The following BCKDHB variants were observed in gnomAD, a reference collection of about 807,000 sequenced individuals.
BCKDHB encodes branched chain keto acid dehydrogenase E1 subunit beta.
Under a neutral mutation model 48.5 loss-of-function variants are expected in BCKDHB, and 41 were observed. The ratio of observed to expected loss-of-function variants is 0.85; its 90% CI spans 0.66 to 1.10. The LOEUF is 1.10. Ranked by LOEUF, BCKDHB falls within the 50% of genes least tolerant of loss-of-function variation. The pLI is 0.00. For missense variants in BCKDHB, 496 were observed against 494.2 expected (o/e 1.00, Z -0.03); for synonymous variants, 201 against 174.8 (o/e 1.15, Z -1.18).
intron 9 of BCKDHB, chr6:80,307,421 C>T (rs1767936028): frequency 1.0e-6 from 1 of 984,654 alleles, no homozygotes; most frequent in African/African-American, 1.7e-5. Flanking sequence ...ATTAAATCCA[C>T]CTGCCCCCTC....
chr6:80,119,508 A>G (rs1769889989), intron 1 of BCKDHB, among the ~76,000 whole-genome samples: 1 of 152,006 alleles, frequency 6.6e-6, no homozygotes, highest in Non-Finnish European at 1.5e-5. Context: ...TTGGTAGAGG[A>G]TGGGGTTTCG....
chr6:80,300,467 A>T (rs890962999), intron 9 of BCKDHB, among the ~76,000 whole-genome samples: 1 of 152,262 alleles, frequency 6.6e-6, no homozygotes, highest in Non-Finnish European at 1.5e-5. Flanking sequence ...TAACTGTCCT[A>T]AATGTATACA....
intron 9 of BCKDHB, among the ~76,000 whole-genome samples, chr6:80,300,419 T>G (rs1173508913): frequency 6.6e-6 from 1 of 152,178 alleles, no homozygotes; most frequent in Non-Finnish European, 1.5e-5. Flanking sequence ...ATGAAGGGCA[T>G]TACATAATGA....
chr6:80,460,822 G>A, the BCKDHB span, among the ~76,000 whole-genome samples: 1 of 152,062 alleles, frequency 6.6e-6, no homozygotes, highest in African/African-American at 2.4e-5. Flanking sequence ...TTTCTTGACT[G>A]CTCTGCAAAC....
intron 9 of BCKDHB, among the ~76,000 whole-genome samples, chr6:80,342,972 G>T (rs184870169): frequency 6.6e-6 from 1 of 152,084 alleles, no homozygotes; most frequent in Non-Finnish European, 1.5e-5. Flanking sequence ...TGCCGAGTTC[G>T]GTGCTTTGGG....
At chr6:80,409,765 C>G in the BCKDHB span, among the ~76,000 whole-genome samples, 1 of 150,962 alleles carries the variant, frequency 6.6e-6, no homozygotes, top group African/African-American at 2.4e-5. Context: ...TTTTTGCTTT[C>G]CATTTACTTC....
the BCKDHB span, among the ~76,000 whole-genome samples, chr6:80,429,503 G>A: frequency 6.6e-6 from 1 of 152,186 alleles, no homozygotes; most frequent in African/African-American, 2.4e-5. Context: ...TCCTATCCAT[G>A]AGCATGGAAT....
At chr6:80,114,276 TC>T in intron 1 of BCKDHB, among the ~76,000 whole-genome samples, 1 of 150,844 alleles carries the variant, frequency 6.6e-6, no homozygotes. Flanking sequence ...AAATACAGGG[TC>T]TCACTCTCTT....
chr6:80,379,343 A>C, the BCKDHB span, among the ~76,000 whole-genome samples: 1 of 152,140 alleles, frequency 6.6e-6, no homozygotes, highest in Non-Finnish European at 1.5e-5. Flanking sequence ...AAACTTTCTG[A>C]TCATCTCAGT....
At chr6:80,432,450 C>G in the BCKDHB span, among the ~76,000 whole-genome samples, 2 of 152,200 alleles carry the variant, frequency 1.3e-5, no homozygotes, top group East Asian at 1.9e-4. Flanking sequence ...TCACTGATAT[C>G]CTTTCTTCCG....
intron 8 of BCKDHB, among the ~76,000 whole-genome samples, chr6:80,226,682 G>A (rs1243522813): frequency 6.6e-6 from 1 of 152,202 alleles, no homozygotes; most frequent in African/African-American, 2.4e-5. Flanking sequence ...TACTTAACTT[G>A]TTTTAGTGAA....
At chr6:80,127,962 A>C (rs1178013738) in intron 2 of BCKDHB, among the ~76,000 whole-genome samples, 1 of 152,166 alleles carries the variant, frequency 6.6e-6, no homozygotes, top group African/African-American at 2.4e-5. Context: ...TATAAAATGA[A>C]GACTTGATTT....
downstream of BCKDHB, among the ~76,000 whole-genome samples, chr6:80,349,484 G>A (rs1770334678): frequency 6.6e-6 from 1 of 152,120 alleles, no homozygotes; most frequent in African/African-American, 2.4e-5. Flanking sequence ...AGACATAAAT[G>A]TAATCAGGTG....
the BCKDHB span, among the ~76,000 whole-genome samples, chr6:80,353,539 G>GT: frequency 0.28 from 41,611 of 151,186 alleles, 6,073 homozygotes; most frequent in Middle Eastern, 0.34. Context: ...ACTAAAATGT[G>GT]TTTTTTTTTG....
chr6:80,413,705 G>T, the BCKDHB span, among the ~76,000 whole-genome samples: 2 of 152,098 alleles, frequency 1.3e-5, no homozygotes, highest in Non-Finnish European at 2.9e-5. Flanking sequence ...ACCATTGATG[G>T]GCACTTAGAT....
intron 6 of BCKDHB, among the ~76,000 whole-genome samples, chr6:80,194,410 T>G (rs1006822478): frequency 6.6e-6 from 1 of 152,238 alleles, no homozygotes; most frequent in East Asian, 1.9e-4. Context: ...TTAACTGCTC[T>G]GTTCACTTAA....
chr6:80,172,868 G>A (rs1772981711), intron 6 of BCKDHB, among the ~76,000 whole-genome samples: 1 of 151,880 alleles, frequency 6.6e-6, no homozygotes, highest in South Asian at 2.1e-4. Context: ...AGATTTATAT[G>A]GACTCTATTA....
At chr6:80,153,497 G>T (rs1160807516) in intron 3 of BCKDHB, among the ~76,000 whole-genome samples, 3 of 152,132 alleles carry the variant, frequency 2.0e-5, no homozygotes, top group East Asian at 1.9e-4. Flanking sequence ...TCTTCCAGCT[G>T]ATGGTCTGGG....
chr6:80,319,578 GC>G (rs1273369235), intron 9 of BCKDHB, among the ~76,000 whole-genome samples: 1 of 152,098 alleles, frequency 6.6e-6, no homozygotes, highest in Non-Finnish European at 1.5e-5. Flanking sequence ...GAAACGTGTA[GC>G]CCTCTGGTTG....
Sources: allele counts gnomAD v4.1 joint callset (sites outside exome capture counted in the v4.1 genomes callset), GRCh38; gene constraint gnomAD v4.1.1; transcripts MANE v1.5; gene names NCBI Gene and HGNC (gene_info 2026-07-23, HGNC 2026-07-21).